The following REEP5 variants were observed in gnomAD, a reference collection of about 807,000 sequenced individuals.
REEP5 encodes receptor expression-enhancing protein 5.
REEP5 carries 24 observed loss-of-function variants against 22.4 expected under a neutral mutation model. The ratio of observed to expected loss-of-function variants is 1.07; its 90% CI spans 0.78 to 1.51. REEP5 has a LOEUF of 1.51. Among genes scored for constraint, REEP5 ranks in the 40% most tolerant of loss-of-function variants. The probability of loss-of-function intolerance (pLI) is 0.00; values close to 1 mark genes in which losing one functional copy is unlikely to be tolerated. For synonymous variants in REEP5, 103 were observed against 88.6 expected (o/e 1.16, Z -0.92); for missense variants, 252 against 233.0 (o/e 1.08, Z -0.53).
intron 3 of REEP5, chr5:112,894,015 T>C (rs1366104748): frequency 6.6e-6 from 1 of 152,244 alleles, no homozygotes; most frequent in Non-Finnish European, 1.5e-5. Context: ...GCATTAGCTT[T>C]GTTTCCTTGG....
At chr5:112,921,279 TG>T in intron 1 of REEP5, 23 bp from the exon 2 acceptor site, 1 of 1,611,660 alleles carries the variant, frequency 6.2e-7, no homozygotes, top group Non-Finnish European at 8.5e-7. Context: ...AGGAGAGAAG[TG>T]GGTCGGGCAG....
In REEP5 at chr5:112,887,118, G is replaced by A. The variant is rs1768277353; in HGVS notation, c.417C>T (p.Arg139=). Reference sequence around the variant, plus strand: ...GCTTCAGGAAGAAAGGACGGATGATGCGCTTGTAGAGCAGTTCAGCCCCAT... The same window carrying A: ...GCTTCAGGAAGAAAGGACGGATGATACGCTTGTAGAGCAGTTCAGCCCCAT... ...PSNGAELLYK[R]IIRPFFLKHE... is the part of the protein sequence containing the mutation. Residue 139 remains arginine (R), a synonymous_variant, in exon 4 of 5, where the codon CGC becomes CGT. Coordinates refer to ENST00000379638, the MANE Select transcript of REEP5 (RefSeq NM_005669.5). The A allele has an allele frequency of 6.2e-7, 1 of 1,613,434 alleles. No homozygotes were observed. Among genetic ancestry groups the A allele is most frequent in the Non-Finnish European group, 8.5e-7 (1 of 1,179,932 alleles).
rs748539385 is a variant in REEP5, at chr5:112,878,838, G to T, written c.521-3C>A. 1.2e-6 allele frequency: 2 copies of T among 1,613,822 alleles called. No individual in the cohort carries two copies. Among genetic ancestry groups the T allele is most frequent in the African/African-American group, 2.7e-5 (2 of 74,868 alleles). ...TAAATTCACGGTAGCTTTCTTCGCT[G>T]TTTGTTTGTTAGGAGGGAAAGAAAA... On this transcript the variant is annotated splice_region_variant and splice_polypyrimidine_tract_variant and intron_variant, in intron 4 of 4. Transcript: ENST00000379638.
At chr5:112,917,048 CAGA>C (rs1769246826) in intron 2 of REEP5, among the ~76,000 whole-genome samples, 1 of 152,190 alleles carries the variant, frequency 6.6e-6, no homozygotes, top group Non-Finnish European at 1.5e-5. Flanking sequence ...TGAGGACACA[CAGA>C]AACTAAAATG....
rs1342429866 is a variant in REEP5, at chr5:112,887,189, CAGAA to C, written c.352-10_352-7del. The stretch of plus-strand genomic sequence containing the variant: ...CACCACAACAGGAAGCCACACTGCA[CAGAA>C]AAAGAGCCAGCATGGGTAACAGGAG... On this transcript the variant is annotated splice_region_variant and splice_polypyrimidine_tract_variant and intron_variant, in intron 3 of 4. Transcript: ENST00000379638. The C allele has an allele frequency of 1.3e-6, 2 of 1,576,216 alleles. No homozygotes were observed. Among genetic ancestry groups the C allele is most frequent in the East Asian group, 4.5e-5 (2 of 44,298 alleles).
intron 3 of REEP5, chr5:112,893,502 G>T: frequency 2.6e-5 from 4 of 155,874 alleles, no homozygotes; most frequent in South Asian, 1.9e-4. Flanking sequence ...TAATCTCCAT[G>T]TTATGATTTT....
intron 3 of REEP5, chr5:112,896,093 G>C (rs1344285771): frequency 6.5e-6 from 1 of 152,672 alleles, no homozygotes; most frequent in Admixed American, 6.5e-5. Context: ...GAGAGTTAAT[G>C]TCAGAAGAAA....
At chr5:112,883,714 A>C (rs139693282) in intron 4 of REEP5, among the ~76,000 whole-genome samples, 5 of 152,250 alleles carry the variant, frequency 3.3e-5, no homozygotes. Context: ...TATTTGACTA[A>C]TCCTTGTAGG....
At chr5:112,912,509 G>A (rs577917830) in intron 2 of REEP5, among the ~76,000 whole-genome samples, 21 of 152,140 alleles carry the variant, frequency 1.4e-4, no homozygotes, top group African/African-American at 4.3e-4. Context: ...GCTTTAAGAT[G>A]TCCTATTGGT....
rs73223923 is a variant in REEP5 at position 112,914,890 on chromosome 5, C to T, written c.212+6273G>A. The stretch of plus-strand genomic sequence containing the variant: ...CAAGTGACAGAATGAAGTCAGGGTA[C>T]GTTTCTACAGCCCCCACTTATATTT... On this transcript the variant is annotated intron_variant, in intron 2 of 4. Coordinates refer to ENST00000379638, the MANE Select transcript of REEP5 (RefSeq NM_005669.5). Among the ~76,000 whole-genome samples the T allele has an allele frequency of 8.3e-3, 1,270 of 152,258 alleles. 20 individuals are homozygous for T. Among genetic ancestry groups the T allele is most frequent in the African/African-American group, 0.029 (1,205 of 41,542 alleles).
intron 2 of REEP5, among the ~76,000 whole-genome samples, chr5:112,920,458 G>A (rs1580758838): frequency 6.6e-6 from 1 of 152,070 alleles, no homozygotes. Flanking sequence ...CTACTTGAAC[G>A]AATGGAAAAA....
chr5:112,895,497 T>TAAGGC (rs1554093828), intron 3 of REEP5: 1 of 151,292 alleles, frequency 6.6e-6, no homozygotes, highest in African/African-American at 2.4e-5. Flanking sequence ...CTGGATGAAT[T>TAAGGC]AAGTGTCCAC....
intron 4 of REEP5, among the ~76,000 whole-genome samples, chr5:112,881,696 T>A (rs1057270803): frequency 2.0e-5 from 3 of 152,210 alleles, no homozygotes; most frequent in Non-Finnish European, 4.4e-5. Context: ...CATCCCTGAC[T>A]CTTGGGCTAC....
chr5:112,913,336 AAAAGAAAGAAAAG>A (rs1189902129), intron 2 of REEP5, among the ~76,000 whole-genome samples: 13 of 149,806 alleles, frequency 8.7e-5, no homozygotes, highest in Non-Finnish European at 1.8e-4. Context: ...GACAGAAAGG[AAAAGAAAGAAAAG>A]AAAGAAAGAA....
At chr5:112,908,112 T>C (rs1223539816) in intron 2 of REEP5, among the ~76,000 whole-genome samples, 1 of 149,270 alleles carries the variant, frequency 6.7e-6, no homozygotes, top group East Asian at 1.9e-4. Context: ...TTTTTTTTTT[T>C]TTTTTTTGAT....
intron 4 of REEP5, 69 bp downstream of exon 4, chr5:112,886,946 G>C (rs1449668260): frequency 8.5e-7 from 1 of 1,178,304 alleles, no homozygotes; most frequent in African/African-American, 1.5e-5. Flanking sequence ...AGGCCAGGAA[G>C]CCTGTTATTT....
chr5:112,899,372 T>C (rs1768791652), intron 3 of REEP5, among the ~76,000 whole-genome samples: 1 of 152,100 alleles, frequency 6.6e-6, no homozygotes, highest in Non-Finnish European at 1.5e-5. Flanking sequence ...GTCAAACTCC[T>C]GGCCTCAAGC....
intron 2 of REEP5, among the ~76,000 whole-genome samples, chr5:112,918,261 G>A (rs569908844): frequency 1.3e-5 from 2 of 152,240 alleles, no homozygotes; most frequent in East Asian, 3.9e-4. Context: ...AGTAGGAAGA[G>A]GGGTATACAA....
chr5:112,889,382 C>A (rs574925890), intron 3 of REEP5, among the ~76,000 whole-genome samples: 11 of 150,526 alleles, frequency 7.3e-5, no homozygotes. Flanking sequence ...CAGACAAACA[C>A]CAACTCCCAA....
Sources: allele counts gnomAD v4.1 joint callset (sites outside exome capture counted in the v4.1 genomes callset), GRCh38; gene constraint gnomAD v4.1.1; transcripts MANE v1.5; gene names NCBI Gene and HGNC (gene_info 2026-07-23, HGNC 2026-07-21).